TRAF3: variants seen among roughly 807,000 people sequenced by gnomAD.
TRAF3 encodes TNF receptor associated factor 3.
A neutral mutation model predicts 62.3 loss-of-function variants in TRAF3; 13 were observed. The ratio of observed to expected loss-of-function variants is 0.21; its 90% CI spans 0.14 to 0.33. TRAF3 has a LOEUF of 0.33. TRAF3 is among the 10% of genes least tolerant of loss of function. The pLI is 1.00. For missense variants in TRAF3, 440 were observed against 741.8 expected, an observed-to-expected ratio of 0.59 and a Z score of 4.73; for synonymous variants, 269 against 283.4, an observed-to-expected ratio of 0.95 and a Z score of 0.51.
intron 2 of TRAF3, among the ~76,000 whole-genome samples, chr14:102,832,682 A>T (rs1459416722): frequency 1.3e-5 from 2 of 152,046 alleles, no homozygotes; most frequent in Admixed American, 6.6e-5. Flanking sequence ...CCCACCAAAA[A>T]ATATATATAT....
At chr14:102,833,178 TTCTG>T (rs1885756797) in intron 2 of TRAF3, among the ~76,000 whole-genome samples, 1 of 152,198 alleles carries the variant, frequency 6.6e-6, no homozygotes, top group South Asian at 2.1e-4. Context: ...AAGGGGAGGC[TTCTG>T]TCTTTCTTGT....
At position 102,895,183 on chromosome 14, in the gene TRAF3, G is replaced by C. The variant is rs565757305; in HGVS notation, c.820-2078G>C. 427 of 450,972 alleles carry C rather than the reference G, an allele frequency of 9.5e-4. 1 individual carries two copies. Among genetic ancestry groups the C allele is most frequent in the Admixed American group, 1.7e-3 (73 of 42,078 alleles). 27.9% of individuals were successfully genotyped at this position (450,972 alleles called of 1,614,324 possible). A position where few individuals can be genotyped will look rare whatever the true frequency, so the allele number is the denominator to read the frequency against. ...TACCACGCGATGCTGCATATGGCCC[G>C]CTCCACATTCGTGCAGGTTGATCAC... On this transcript the variant is annotated intron_variant, in intron 9 of 11. Transcript: ENST00000392745.
chr14:102,862,024 T>C (rs1486258520), intron 2 of TRAF3, among the ~76,000 whole-genome samples: 1 of 152,196 alleles, frequency 6.6e-6, no homozygotes, highest in Non-Finnish European at 1.5e-5. Flanking sequence ...ATAATCTCAT[T>C]TGGTGCTCAA....
rs919902642 is a variant in TRAF3, at chr14:102,777,685, C to CGCGGCGGGCGGGCGGGCCT, written c.-157+11_-157+29dup. On this transcript the variant is annotated intron_variant, in intron 1 of 11. Transcript: ENST00000392745. ...GGCGACGGACCGCGAGGTAAGGGGC[C>CGCGGCGGGCGGGCGGGCCT]GCGGCGGGCGGGCGGGCCTCCGGCG... 1.1e-4 allele frequency: 16 copies of CGCGGCGGGCGGGCGGGCCT among 142,900 alleles called. No individual in the cohort carries two copies. The highest frequency in any genetic ancestry group is 1.1e-3 in the Admixed American group (16 of 14,538). 8.9% of individuals were successfully genotyped at this position (142,900 alleles called of 1,614,324 possible).
Position 102,870,568 on chromosome 14 carries a change from A to G in TRAF3, c.245+122A>G, listed in dbSNP as rs1005348809. The G allele has an allele frequency of 3.0e-6, 4 of 1,354,556 alleles. No individual in the cohort carries two copies. In the African/African-American group the frequency reaches 5.8e-5, roughly 20 times the overall value. The allele number at this position is 1,354,556 out of a possible 1,614,324, so 83.9% of individuals were successfully genotyped here. A position where few individuals can be genotyped will look rare whatever the true frequency, so the allele number is the denominator to read the frequency against. On this transcript the variant is annotated intron_variant, in intron 3 of 11. Transcript: ENST00000392745. ...TTAAAGCCCTAAAGAAGTCCATAAA[A>G]GCCTCCGGGCCCAGCTTGTGAATCC...
chr14:102,897,149 ACT>A lies in TRAF3; in HGVS notation c.820-109_820-108del, dbSNP rs985489843. Reference sequence around the variant, plus strand: ...TGTGAAGGGATTTTTTTCTTCTGAAACTCTGTCAATAAGCTAACAGAAGGCCT... The same window carrying A: ...TGTGAAGGGATTTTTTTCTTCTGAAACTGTCAATAAGCTAACAGAAGGCCT... On this transcript the variant is annotated intron_variant, in intron 9 of 11. Coordinates refer to ENST00000392745, the MANE Select transcript of TRAF3 (RefSeq NM_145725.3). 9.5e-5 allele frequency: 96 copies of A among 1,009,516 alleles called. No homozygotes were observed. The African/African-American group carries it at 1.2e-3, about 13-fold the overall frequency. 62.5% of individuals were successfully genotyped at this position (1,009,516 alleles called of 1,614,324 possible).
intron 2 of TRAF3, among the ~76,000 whole-genome samples, chr14:102,855,816 G>T (rs1887330759): frequency 6.6e-6 from 1 of 150,854 alleles, no homozygotes; most frequent in Admixed American, 6.6e-5. Context: ...AAAAGGCCAG[G>T]TACGTTGGCT....
chr14:102,836,307 T>C (rs984257609), intron 2 of TRAF3, among the ~76,000 whole-genome samples: 1 of 152,246 alleles, frequency 6.6e-6, no homozygotes, highest in Non-Finnish European at 1.5e-5. Context: ...TTTAAAGATT[T>C]ATTTTCATAA....
chr14:102,882,569 T>TG (rs918221694), intron 6 of TRAF3, among the ~76,000 whole-genome samples: 14 of 149,730 alleles, frequency 9.4e-5, no homozygotes, highest in African/African-American at 3.0e-4. Context: ...TGTATTTTGT[T>TG]TTTTTTTTTT....
chr14:102,796,721 G>C (rs1898111037), intron 1 of TRAF3, among the ~76,000 whole-genome samples: 1 of 152,234 alleles, frequency 6.6e-6, no homozygotes, highest in South Asian at 2.1e-4. Flanking sequence ...AGAGGCCTGA[G>C]TGCCTCTGCT....
chr14:102,878,242 T>C (rs574079088), intron 6 of TRAF3, among the ~76,000 whole-genome samples: 1 of 152,286 alleles, frequency 6.6e-6, no homozygotes, highest in African/African-American at 2.4e-5. Context: ...TCCTACAGCA[T>C]TGAAATGCAG....
intron 1 of TRAF3, among the ~76,000 whole-genome samples, chr14:102,809,409 C>T (rs746827993): frequency 2.6e-5 from 4 of 152,078 alleles, no homozygotes; most frequent in Non-Finnish European, 5.9e-5. Flanking sequence ...AGATTACAGG[C>T]GTGAGCCACC....
chr14:102,841,201 G>C (rs1886353897), intron 2 of TRAF3, among the ~76,000 whole-genome samples: 1 of 152,210 alleles, frequency 6.6e-6, no homozygotes, highest in Non-Finnish European at 1.5e-5. Flanking sequence ...GGGAGGACAA[G>C]ACAGCTAGAA....
At chr14:102,811,550 G>GGT (rs1555367643) in intron 1 of TRAF3, among the ~76,000 whole-genome samples, 48 of 79,508 alleles carry the variant, frequency 6.0e-4, no homozygotes, top group African/African-American at 2.2e-3. Context: ...GCTGTAGGCG[G>GGT]TTTTTTTTTT....
rs78026810 is a variant in TRAF3, at chr14:102,854,248, G to A, written c.-17-15937G>A. Among the ~76,000 whole-genome samples, 12 of 152,072 alleles carry A rather than the reference G, an allele frequency of 7.9e-5. No homozygotes were observed. In the East Asian group the frequency reaches 9.7e-4, roughly 12 times the overall value. On this transcript the variant is annotated intron_variant, in intron 2 of 11. Transcript: ENST00000392745. ...TATTGTGAATAGTGCTGCTGTGAACGTTTGTGAACAAGTTTTTGCGTGAAC... is the reference window on the plus strand; with the variant it reads ...TATTGTGAATAGTGCTGCTGTGAACATTTGTGAACAAGTTTTTGCGTGAAC...
At chr14:102,845,384 G>A (rs1595356852) in intron 2 of TRAF3, among the ~76,000 whole-genome samples, 1 of 150,782 alleles carries the variant, frequency 6.6e-6, no homozygotes, top group Admixed American at 6.6e-5. Context: ...TTTATTTTTA[G>A]TAGAGATGGG....
intron 1 of TRAF3, among the ~76,000 whole-genome samples, chr14:102,821,469 G>T (rs951355453): frequency 3.9e-5 from 6 of 152,140 alleles, no homozygotes; most frequent in African/African-American, 1.4e-4. Flanking sequence ...AGGACAGAGT[G>T]GCTTCACCCA....
chr14:102,877,062 T>A (rs1055567210), intron 6 of TRAF3, among the ~76,000 whole-genome samples: 2 of 143,896 alleles, frequency 1.4e-5, no homozygotes, highest in African/African-American at 2.7e-5. Context: ...TTAGGCTCAA[T>A]TCATAGATAA....
At chr14:102,895,903 C>A (rs1448296839) in intron 9 of TRAF3, among the ~76,000 whole-genome samples, 1 of 152,166 alleles carries the variant, frequency 6.6e-6, no homozygotes, top group Non-Finnish European at 1.5e-5. Context: ...ATCAGCTCTG[C>A]CTCTCCGTGT....
Sources: allele counts gnomAD v4.1 joint callset (sites outside exome capture counted in the v4.1 genomes callset), GRCh38; gene constraint gnomAD v4.1.1; transcripts MANE v1.5; gene names NCBI Gene and HGNC (gene_info 2026-07-23, HGNC 2026-07-21).